The following MAP2K4 variants were observed in gnomAD, a reference collection of about 807,000 sequenced individuals.
MAP2K4 encodes mitogen-activated protein kinase kinase 4.
A neutral mutation model predicts 48.5 loss-of-function variants in MAP2K4; 4 were observed. The observed-to-expected ratio is 0.08, with a 90% confidence interval of 0.04 to 0.19. The LOEUF (loss-of-function observed/expected upper bound fraction) is 0.19. Ranked by LOEUF, MAP2K4 falls within the 10% of genes least tolerant of loss-of-function variation. The probability of loss-of-function intolerance (pLI) is 1.00; values close to 1 mark genes in which losing one functional copy is unlikely to be tolerated. For missense variants in MAP2K4, 258 were observed against 493.3 expected, an observed-to-expected ratio of 0.52 and a Z score of 4.52; for synonymous variants, 166 against 173.1, an observed-to-expected ratio of 0.96 and a Z score of 0.32.
chr17:12,103,064 G>A (rs1031157712), intron 4 of MAP2K4, among the ~76,000 whole-genome samples: 4 of 149,518 alleles, frequency 2.7e-5, no homozygotes, highest in African/African-American at 9.8e-5. Flanking sequence ...AAAAAAGTCA[G>A]GGTCTTGCTC....
intron 7 of MAP2K4, among the ~76,000 whole-genome samples, chr17:12,119,297 T>C (rs1391768914): frequency 6.6e-6 from 1 of 152,132 alleles, no homozygotes; most frequent in Non-Finnish European, 1.5e-5. Context: ...CTTAAATTTA[T>C]AAGAAAGAAA....
chr17:12,092,541 T>G (rs1432841864), intron 3 of MAP2K4, among the ~76,000 whole-genome samples: 1 of 152,206 alleles, frequency 6.6e-6, no homozygotes, highest in Non-Finnish European at 1.5e-5. Flanking sequence ...TAATTTGAAT[T>G]GTTGATTGTC....
chr17:12,113,423 G>C, intron 7 of MAP2K4, 63 bp downstream of exon 7: 1 of 1,572,114 alleles, frequency 6.4e-7, no homozygotes, highest in Non-Finnish European at 8.7e-7. Context: ...GTGCTCTTTT[G>C]TGCTGGCCAT....
chr17:12,092,306 C>T (rs1265469853), intron 3 of MAP2K4, among the ~76,000 whole-genome samples: 4 of 152,232 alleles, frequency 2.6e-5, no homozygotes, highest in East Asian at 1.9e-4. Flanking sequence ...ATATAATTGG[C>T]GTCACCTTGT....
intron 2 of MAP2K4, among the ~76,000 whole-genome samples, chr17:12,080,330 G>T (rs1971149932): frequency 6.6e-6 from 1 of 152,174 alleles, no homozygotes; most frequent in South Asian, 2.1e-4. Flanking sequence ...GAAAAATGTA[G>T]TTGATATTTA....
At chr17:12,116,452 G>C (rs1341875106) in intron 7 of MAP2K4, among the ~76,000 whole-genome samples, 1 of 152,000 alleles carries the variant, frequency 6.6e-6, no homozygotes, top group African/African-American at 2.4e-5. Context: ...AAATTAACCT[G>C]AGTGTACTGT....
intron 2 of MAP2K4, among the ~76,000 whole-genome samples, chr17:12,064,030 G>A (rs1970537602): frequency 6.7e-6 from 1 of 148,696 alleles, no homozygotes; most frequent in Non-Finnish European, 1.5e-5. Context: ...GGGAGAGAGA[G>A]AGAGAGAGAG....
chr17:12,027,461 T>G (rs1169182339), intron 1 of MAP2K4, among the ~76,000 whole-genome samples: 1 of 151,994 alleles, frequency 6.6e-6, no homozygotes, highest in Non-Finnish European at 1.5e-5. Flanking sequence ...AGAAAAGTGT[T>G]GCCAGACATA....
chr17:12,084,212 A>G (rs1421862440), intron 3 of MAP2K4, among the ~76,000 whole-genome samples: 3 of 152,226 alleles, frequency 2.0e-5, no homozygotes, highest in African/African-American at 7.2e-5. Flanking sequence ...GACTTAATCT[A>G]AAAATCAGTT....
chr17:12,105,966 A>G (rs961638202), intron 4 of MAP2K4, among the ~76,000 whole-genome samples: 1 of 151,976 alleles, frequency 6.6e-6, no homozygotes, highest in Non-Finnish European at 1.5e-5. Flanking sequence ...TGTGCTTTGC[A>G]TATGTTAACT....
At chr17:12,063,970 CA>C (rs28921679) in intron 2 of MAP2K4, among the ~76,000 whole-genome samples, 55,100 of 113,216 alleles carry the variant, frequency 0.49, 13,429 homozygotes, top group East Asian at 0.58. Flanking sequence ...AAAATTCTGT[CA>C]GGGGGCGGGG....
intron 5 of MAP2K4, among the ~76,000 whole-genome samples, chr17:12,108,207 T>G (rs1186900287): frequency 6.6e-6 from 1 of 152,162 alleles, no homozygotes; most frequent in African/African-American, 2.4e-5. Flanking sequence ...TTTAACTATT[T>G]TTAAATAGGT....
At chr17:12,099,026 A>G (rs1005922289) in intron 4 of MAP2K4, among the ~76,000 whole-genome samples, 2 of 151,624 alleles carry the variant, frequency 1.3e-5, no homozygotes, top group Non-Finnish European at 2.9e-5. Flanking sequence ...CCATCAAGTA[A>G]TTTTTCATCA....
intron 1 of MAP2K4, among the ~76,000 whole-genome samples, chr17:12,023,956 A>T (rs903228019): frequency 2.0e-5 from 3 of 152,194 alleles, no homozygotes; most frequent in Non-Finnish European, 4.4e-5. Context: ...TAGCGACAAT[A>T]TTGTTATGGT....
chr17:12,126,282 T>C (rs796282997), intron 8 of MAP2K4, among the ~76,000 whole-genome samples: 7 of 152,344 alleles, frequency 4.6e-5, no homozygotes, highest in African/African-American at 1.4e-4. Context: ...AGCTACTTAA[T>C]TTGCAACAAG....
At chr17:12,022,610 G>A (rs1969121770) in intron 1 of MAP2K4, among the ~76,000 whole-genome samples, 2 of 152,054 alleles carry the variant, frequency 1.3e-5, no homozygotes, top group Admixed American at 1.3e-4. Flanking sequence ...TGGATACAGT[G>A]TGTTTTTTTG....
chr17:12,130,494 T>C (rs1972988412), intron 9 of MAP2K4, among the ~76,000 whole-genome samples: 1 of 152,238 alleles, frequency 6.6e-6, no homozygotes, highest in Admixed American at 6.5e-5. Context: ...GGGTATAATA[T>C]CTAAAATGAT....
intron 4 of MAP2K4, among the ~76,000 whole-genome samples, chr17:12,098,038 C>G (rs1336856313): frequency 2.0e-5 from 3 of 152,190 alleles, no homozygotes; most frequent in Middle Eastern, 3.4e-3. Context: ...AAAGTAACAA[C>G]TTTTACAATA....
In MAP2K4 at chr17:12,081,584, T is replaced by C; in HGVS notation, c.393+54T>C. On this transcript the variant is annotated intron_variant, in intron 3 of 10. Transcript: ENST00000353533. The surrounding 1 kb of genome is among the most constrained non-coding windows in gnomAD (Gnocchi z 4.2). ...CTTTAATCCATTAGGTGAAATTTCA[T>C]GGTGCAGTAATACCACTGTTGTTGT... 6.4e-7 allele frequency: 1 copy of C among 1,553,882 alleles called. No individual in the cohort carries two copies. The highest frequency in any genetic ancestry group is 1.4e-5 in the African/African-American group (1 of 73,788).
Sources: gnomAD v4.1 joint callset for allele counts (sites outside exome capture counted in the v4.1 genomes callset) on GRCh38, gnomAD v4.1.1 for gene constraint, Gnocchi (gnomAD v3.1) non-coding constraint, MANE v1.5 for transcripts, NCBI Gene and HGNC (gene_info 2026-07-23, HGNC 2026-07-21) for gene names.